FGD4: variants seen among roughly 807,000 people sequenced by gnomAD.
The protein encoded by FGD4 is FYVE, RhoGEF and PH domain containing 4.
In FGD4, 42 loss-of-function variants were observed where a neutral mutation model predicts 102.0. The observed-to-expected ratio is 0.41, with a 90% CI of 0.32 to 0.53. The LOEUF (loss-of-function observed/expected upper bound fraction) is 0.53. FGD4 is among the 20% of genes least tolerant of loss of function. FGD4 has a pLI of 0.21. For missense variants in FGD4, 902 were observed against 1,078.2 expected (o/e 0.84, Z 2.29); for synonymous variants, 380 against 375.7 (o/e 1.01, Z -0.13).
chr12:32,570,064 A>C (rs1438094493), intron 2 of FGD4, among the ~76,000 whole-genome samples: 2 of 151,966 alleles, frequency 1.3e-5, no homozygotes, highest in African/African-American at 4.8e-5. Context: ...AACATGGTGA[A>C]ACCCCATCTA....
intron 1 of FGD4, among the ~76,000 whole-genome samples, chr12:32,557,936 T>C (rs1944251123): frequency 6.6e-6 from 1 of 152,188 alleles, no homozygotes; most frequent in South Asian, 2.1e-4. Flanking sequence ...AATAATGTTT[T>C]ACAGTAGAGA....
intron 2 of FGD4, among the ~76,000 whole-genome samples, chr12:32,573,529 T>A (rs1395532556): frequency 6.6e-6 from 1 of 152,234 alleles, no homozygotes; most frequent in Non-Finnish European, 1.5e-5. Flanking sequence ...ATCAGTTAGG[T>A]ATTTTGAGGC....
chr12:32,557,587 G>A (rs1944226176), intron 1 of FGD4, among the ~76,000 whole-genome samples: 1 of 152,150 alleles, frequency 6.6e-6, no homozygotes, highest in Non-Finnish European at 1.5e-5. Context: ...CAGTTCCTAG[G>A]TCCAAGGAAC....
At chr12:32,537,289 A>C (rs1942372922) in intron 1 of FGD4, among the ~76,000 whole-genome samples, 1 of 152,198 alleles carries the variant, frequency 6.6e-6, no homozygotes, top group African/African-American at 2.4e-5. Context: ...ACAATCTGGC[A>C]ACAAATCTTG....
chr12:32,445,025 T>G (rs1435162787), intron 1 of FGD4, among the ~76,000 whole-genome samples: 1 of 152,214 alleles, frequency 6.6e-6, no homozygotes, highest in Non-Finnish European at 1.5e-5. Context: ...CATGCAGATA[T>G]GTACCTTCCT....
chr12:32,455,411 A>G (rs1483385044), intron 1 of FGD4, among the ~76,000 whole-genome samples: 1 of 152,148 alleles, frequency 6.6e-6, no homozygotes, highest in Non-Finnish European at 1.5e-5. Flanking sequence ...GGATAATTGT[A>G]TTTAAACATA....
intron 4 of FGD4, among the ~76,000 whole-genome samples, chr12:32,591,121 C>T (rs1947439597): frequency 6.6e-6 from 1 of 152,074 alleles, no homozygotes; most frequent in African/African-American, 2.4e-5. Context: ...GCTTTAGGGA[C>T]CACAGAGATG....
In FGD4 at chr12:32,403,998, C is replaced by T. The variant is rs566467643; in HGVS notation, c.166+4039C>T. Among the ~76,000 whole-genome samples the T allele has an allele frequency of 3.9e-5, 6 of 152,186 alleles. No individual in the cohort carries two copies. In the South Asian group the frequency reaches 8.3e-4, roughly 21 times the overall value. ...TTCCGTCCCCTGAAAGGCTCTTAGT[C>T]CCCTAGGCTTTCGGGTTCCTGGCAA... On this transcript the variant is annotated intron_variant, in intron 1 of 16. Coordinates refer to ENST00000534526, the MANE Select transcript of FGD4 (RefSeq NM_001370298.3).
chr12:32,552,397 T>C (rs1017460385), intron 1 of FGD4, among the ~76,000 whole-genome samples: 1 of 151,494 alleles, frequency 6.6e-6, no homozygotes, highest in Admixed American at 6.6e-5. Flanking sequence ...GTAGCTGGGA[T>C]TACAGGCGCC....
At chr12:32,527,587 G>A (rs10844232) in intron 1 of FGD4, among the ~76,000 whole-genome samples, 27,697 of 152,040 alleles carry the variant, frequency 0.18, 3,095 homozygotes, top group Middle Eastern at 0.35. Context: ...GTGCCACCAT[G>A]CCCAGCTAAT....
intron 15 of FGD4, 63 bp from the exon 16 acceptor site, chr12:32,638,592 T>C (rs2137075172): frequency 1.3e-6 from 2 of 1,595,416 alleles, no homozygotes; most frequent in Admixed American, 3.3e-5. Context: ...CATTGTACTT[T>C]GTGAATATTT....
intron 1 of FGD4, chr12:32,485,953 G>A (rs1234373167): frequency 7.8e-7 from 1 of 1,286,458 alleles, no homozygotes; most frequent in Non-Finnish European, 9.8e-7. Flanking sequence ...TTATGAAACA[G>A]AACTCTGTAC....
intron 1 of FGD4, among the ~76,000 whole-genome samples, chr12:32,562,082 T>C (rs566975292): frequency 6.6e-6 from 1 of 152,340 alleles, no homozygotes; most frequent in African/African-American, 2.4e-5. Flanking sequence ...AGCTGTCACG[T>C]TGGGCTTTCC....
chr12:32,606,420 AC>A (rs761543936), intron 7 of FGD4, among the ~76,000 whole-genome samples: 77 of 151,422 alleles, frequency 5.1e-4, no homozygotes, highest in Non-Finnish European at 2.7e-4. Context: ...TGACATTATT[AC>A]CCATATTACC....
At chr12:32,543,350 G>C (rs1942991374) in intron 1 of FGD4, among the ~76,000 whole-genome samples, 1 of 152,112 alleles carries the variant, frequency 6.6e-6, no homozygotes, top group Admixed American at 6.5e-5. Flanking sequence ...TCTGATCCTT[G>C]TCACTTAGAG....
chr12:32,638,576 TA>T, intron 15 of FGD4, 78 bp from the exon 16 acceptor site: 1 of 1,566,564 alleles, frequency 6.4e-7, no homozygotes, highest in Non-Finnish European at 8.8e-7. Context: ...ACATTTTGTA[TA>T]AACACATTGT....
At chr12:32,574,787 A>G (rs1032095282) in intron 2 of FGD4, 2 of 152,298 alleles carry the variant, frequency 1.3e-5, no homozygotes, top group Admixed American at 1.3e-4. Flanking sequence ...AGATGAGATC[A>G]CTAAAAACCA....
intron 1 of FGD4, among the ~76,000 whole-genome samples, chr12:32,481,414 C>A (rs1158382306): frequency 1.3e-5 from 2 of 152,116 alleles, no homozygotes; most frequent in Admixed American, 1.3e-4. Flanking sequence ...GTACACTGGA[C>A]CTCTCTGTCA....
rs539959906 is a variant in FGD4 at position 32,411,402 on chromosome 12, C to T, written c.166+11443C>T. ...TACAAAAGTTAGCCGGGCGTGGTGG[C>T]ACACGCCTGTAATCCCAGCTACACA... On this transcript the variant is annotated intron_variant, in intron 1 of 16. Transcript: ENST00000534526. 4.0e-5 allele frequency among the ~76,000 whole-genome samples: 6 copies of T among 151,776 alleles called. No homozygotes were observed. The East Asian group carries it at 1.0e-3, about 25-fold the overall frequency.
Sources: allele counts gnomAD v4.1 joint callset (sites outside exome capture counted in the v4.1 genomes callset), GRCh38; gene constraint gnomAD v4.1.1; transcripts MANE v1.5; gene names NCBI Gene and HGNC (gene_info 2026-07-23, HGNC 2026-07-21).